USP28: variants seen among roughly 807,000 people sequenced by gnomAD.
USP28 encodes the protein ubiquitin carboxyl-terminal hydrolase 28.
USP28 carries 113 observed loss-of-function variants against 145.0 expected under a neutral mutation model. The ratio of observed to expected loss-of-function variants is 0.78; its 90% confidence interval spans 0.67 to 0.91. The LOEUF (loss-of-function observed/expected upper bound fraction) is 0.91. Among genes scored for constraint, USP28 ranks in the 40% least tolerant of loss-of-function variants. USP28 has a pLI of 0.00. For missense variants in USP28, 1,201 were observed against 1,289.6 expected, an observed-to-expected ratio of 0.93 and a Z score of 1.05; for synonymous variants, 447 against 450.9, an observed-to-expected ratio of 0.99 and a Z score of 0.11.
At chr11:113,801,587 G>A (rs1939024900) in exon 24 of USP28, 1 of 1,610,532 alleles carries the variant, frequency 6.2e-7, no homozygotes, top group South Asian at 1.1e-5. Context: ...GTGAATGCAG[G>A]GGATGATCAG....
exon 16 of USP28, chr11:113,812,371 C>G (rs1223742807): frequency 6.2e-7 from 1 of 1,614,028 alleles, no homozygotes; most frequent in Non-Finnish European, 8.5e-7. Context: ...AACTTCTTCC[C>G]AGGAAGATTC....
chr11:113,866,176 C>G (rs1252650906), intron 1 of USP28, among the ~76,000 whole-genome samples: 1 of 152,194 alleles, frequency 6.6e-6, no homozygotes, highest in Non-Finnish European at 1.5e-5. Flanking sequence ...CCTGTAATCC[C>G]AGCTTCCTGG....
intron 1 of USP28, among the ~76,000 whole-genome samples, chr11:113,861,749 A>C (rs1475953390): frequency 6.6e-6 from 1 of 152,214 alleles, no homozygotes; most frequent in African/African-American, 2.4e-5. Context: ...ATGATACATA[A>C]TGTCCTATAC....
At chr11:113,829,451 G>T in intron 9 of USP28, 106 bp from the exon 10 acceptor site, 1 of 1,417,188 alleles carries the variant, frequency 7.1e-7, no homozygotes, top group Non-Finnish European at 9.6e-7. Context: ...CTTCCTGATA[G>T]CTGGTTAGAA....
chr11:113,861,705 G>A lies in USP28; in HGVS notation c.58-7370C>T, dbSNP rs114606189. Among the ~76,000 whole-genome samples, 1,075 of 152,136 alleles carry A rather than the reference G, an allele frequency of 7.1e-3. 13 individuals carry two copies. Among genetic ancestry groups the A allele is most frequent in the African/African-American group, 0.024 (999 of 41,514 alleles). ...ATTAACAGTTTCTGTTATCTTTCCC[G>A]AAATTGTCTATGCACATGAATATAT... On this transcript the variant is annotated intron_variant, in intron 1 of 24. Transcript: ENST00000003302.
At position 113,808,152 on chromosome 11, in the gene USP28, G is replaced by T. The variant is rs45540541; in HGVS notation, c.2304+146C>A. 2.6e-6 allele frequency: 4 copies of T among 1,517,918 alleles called. No homozygotes were observed. In the East Asian group the frequency reaches 9.2e-5, roughly 35 times the overall value. The allele number at this position is 1,517,918 out of a possible 1,614,324, so 94.0% of individuals were successfully genotyped here. A position where few individuals can be genotyped will look rare whatever the true frequency, so the allele number is the denominator to read the frequency against. On this transcript the variant is annotated intron_variant, in intron 18 of 24. Transcript: ENST00000003302. ...CTTCTTTAAGCTGTGGCAGCAGAGTGGGGAGAAAGAGTAAGAAAAAACAGG... is the reference window on the plus strand; with the variant it reads ...CTTCTTTAAGCTGTGGCAGCAGAGTTGGGAGAAAGAGTAAGAAAAAACAGG...
At chr11:113,843,982 C>G (rs1054793094) in intron 3 of USP28, among the ~76,000 whole-genome samples, 5 of 152,060 alleles carry the variant, frequency 3.3e-5, no homozygotes, top group African/African-American at 1.2e-4. Context: ...CAAAATGGAT[C>G]AAGTCCTCAA....
chr11:113,806,458 G>C (rs1290449282), intron 19 of USP28, 31 bp downstream of exon 20: 1 of 1,561,766 alleles, frequency 6.4e-7, no homozygotes, highest in East Asian at 2.3e-5. Flanking sequence ...TGCCTATATT[G>C]TAAGAATTAG....
chr11:113,821,631 C>G, intron 12 of USP28: 1 of 188,460 alleles, frequency 5.3e-6, no homozygotes, highest in Non-Finnish European at 1.2e-5. Flanking sequence ...TGACACACTG[C>G]TGGAGGCAGC....
chr11:113,807,900 G>C, intron 18 of USP28, 51 bp downstream of exon 19: 1 of 987,040 alleles, frequency 1.0e-6, no homozygotes, highest in Non-Finnish European at 1.2e-6. Flanking sequence ...CACAAGAGAA[G>C]GAAATATAAG....
chr11:113,827,389 A>C (rs186571247), intron 10 of USP28, 29 bp from the exon 11 acceptor site: 2 of 1,548,540 alleles, frequency 1.3e-6, no homozygotes, highest in Non-Finnish European at 1.7e-6. Flanking sequence ...ATGTGAGAGA[A>C]AGAAAAATTA....
intron 11 of USP28, among the ~76,000 whole-genome samples, chr11:113,826,428 C>T (rs374740335): frequency 5.5e-5 from 8 of 146,404 alleles, no homozygotes; most frequent in African/African-American, 2.0e-4. Context: ...GGCTCACTGG[C>T]CCCACCAAGT....
At chr11:113,821,300 G>T in intron 12 of USP28, 1 of 225,530 alleles carries the variant, frequency 4.4e-6, no homozygotes, top group South Asian at 8.1e-5. Flanking sequence ...CGCTGTAGCT[G>T]ACAGTGCTAC....
intron 1 of USP28, 112 bp downstream of exon 1, chr11:113,875,333 G>A (rs1428764296): frequency 2.2e-6 from 2 of 929,742 alleles, no homozygotes; most frequent in Non-Finnish European, 2.7e-6. Context: ...CCCCTGTCCC[G>A]CCCGGCCGGG....
At position 113,852,672 on chromosome 11, in the gene USP28, C is replaced by G. The variant is rs371076795; in HGVS notation, c.136-39G>C. 5.0e-6 allele frequency: 8 copies of G among 1,609,668 alleles called. No homozygotes were observed. In the African/African-American group the frequency reaches 1.1e-4, roughly 22 times the overall value. ...AGACAATAGAAATTTCAAAAGTAAT[C>G]ATAGAATTTAAAACCAGTTTTGAGT... is the stretch of plus-strand genomic sequence containing the variant. On this transcript the variant is annotated intron_variant, in intron 2 of 24. Coordinates refer to ENST00000003302, the Ensembl canonical transcript of USP28.
At chr11:113,812,553 G>T in intron 15 of USP28, 49 bp from the exon 16 acceptor site, 1 of 1,533,330 alleles carries the variant, frequency 6.5e-7, no homozygotes. Flanking sequence ...AAAGTAATCT[G>T]ATAAAGTTTA....
chr11:113,841,905 C>A, intron 3 of USP28, 137 bp from the exon 4 acceptor site: 1 of 483,196 alleles, frequency 2.1e-6, no homozygotes, highest in Non-Finnish European at 3.6e-6. Context: ...TATTACCCTA[C>A]TGCATAGTCA....
intron 18 of USP28, among the ~76,000 whole-genome samples, chr11:113,807,372 C>A (rs1940184363): frequency 8.1e-6 from 1 of 123,444 alleles, no homozygotes; most frequent in South Asian, 3.1e-4. Context: ...CCGTGCCCAG[C>A]CTTGTCAATG....
chr11:113,861,665 C>G (rs1947707583), intron 1 of USP28, among the ~76,000 whole-genome samples: 2 of 152,078 alleles, frequency 1.3e-5, no homozygotes, highest in Admixed American at 1.3e-4. Context: ...GTTCTATTTC[C>G]CAGGGGCTAC....
Sources: gnomAD v4.1 joint callset for allele counts (sites outside exome capture counted in the v4.1 genomes callset) on GRCh38, gnomAD v4.1.1 for gene constraint, MANE v1.5 for transcripts, NCBI Gene and HGNC (gene_info 2026-07-23, HGNC 2026-07-21) for gene names.